Variants in LAMA4 observed in about 807,000 individuals in gnomAD.
LAMA4 encodes the protein laminin subunit alpha 4.
Under a neutral mutation model 207.1 loss-of-function variants are expected in LAMA4, and 127 were observed. The observed-to-expected ratio is 0.61, with a 90% CI of 0.53 to 0.71. The LOEUF is 0.71. LAMA4 is among the 30% of genes least tolerant of loss of function. LAMA4 has a pLI of 0.00. For missense variants in LAMA4, 2,093 were observed against 2,246.5 expected, an observed-to-expected ratio of 0.93 and a Z score of 1.38; for synonymous variants, 761 against 816.0, an observed-to-expected ratio of 0.93 and a Z score of 1.15.
At chr6:112,241,105 A>ATATT (rs1786398757) in intron 2 of LAMA4, among the ~76,000 whole-genome samples, 1 of 107,734 alleles carries the variant, frequency 9.3e-6, no homozygotes, top group African/African-American at 3.2e-5. Context: ...ATGAATATAT[A>ATATT]TATATATATG....
chr6:112,184,069 T>C (rs181156625), intron 9 of LAMA4, among the ~76,000 whole-genome samples: 1 of 152,264 alleles, frequency 6.6e-6, no homozygotes, highest in African/African-American at 2.4e-5. Context: ...TGGTATTTCC[T>C]TTACTATTTA....
chr6:112,222,432 T>G (rs1316185944), intron 2 of LAMA4, among the ~76,000 whole-genome samples: 2 of 152,196 alleles, frequency 1.3e-5, no homozygotes, highest in East Asian at 3.8e-4. Flanking sequence ...ACCTTTGTGC[T>G]TACTGCTCAG....
chr6:112,120,296 C>T lies in LAMA4; in HGVS notation c.4652G>A (p.Gly1551Asp), dbSNP rs782558391. 12 of 1,613,532 alleles carry T rather than the reference C, an allele frequency of 7.4e-6. No homozygotes were observed. Among genetic ancestry groups the T allele is most frequent in the South Asian group, 6.6e-5 (6 of 91,042 alleles). ...CCTTCAACTTACATCATGCCACAGG[C>T]CATCATTGTATTTCTCCTGGCTTCT... ...KIRSQEKYND[G>D]LWHDVIFIRE... The change falls in exon 33 of 39, where the codon GGC becomes GAC. Residue 1551 changes from glycine to aspartate, a missense_variant. Physicochemically the swap from Gly to Asp is moderately conservative, Grantham distance 94. Around this residue, in one of 3 missense-constraint regions of LAMA4, gnomAD observed 383 missense variants for 437.8 expected, o/e 0.87. Transcript: ENST00000230538.
At chr6:112,165,937 A>C (rs184280826) in intron 12 of LAMA4, among the ~76,000 whole-genome samples, 20 of 152,316 alleles carry the variant, frequency 1.3e-4, no homozygotes, top group South Asian at 6.2e-4. Flanking sequence ...GATTCTGAAG[A>C]AATATTATGG....
chr6:112,203,313 A>C (rs968568775), intron 4 of LAMA4, among the ~76,000 whole-genome samples: 24 of 152,144 alleles, frequency 1.6e-4, no homozygotes, highest in African/African-American at 5.6e-4. Context: ...AATCCCCTGA[A>C]GCATTATTTC....
intron 24 of LAMA4, among the ~76,000 whole-genome samples, chr6:112,138,457 T>C (rs1297235196): frequency 3.8e-4 from 58 of 152,312 alleles, no homozygotes; most frequent in Non-Finnish European, 8.8e-5. Context: ...TTTGAAAATA[T>C]TTAGCATACT....
At chr6:112,147,254 A>G (rs879947972) in intron 18 of LAMA4, among the ~76,000 whole-genome samples, 3 of 152,244 alleles carry the variant, frequency 2.0e-5, no homozygotes, top group Non-Finnish European at 4.4e-5. Flanking sequence ...TTTTAAAGAC[A>G]AAATTTTAAA....
chr6:112,242,476 C>T (rs1786588384), intron 2 of LAMA4, among the ~76,000 whole-genome samples: 1 of 152,178 alleles, frequency 6.6e-6, no homozygotes, highest in Admixed American at 6.5e-5. Flanking sequence ...AATTCAAGCC[C>T]ACCTGTATTT....
intron 2 of LAMA4, among the ~76,000 whole-genome samples, chr6:112,250,033 T>C (rs1201076534): frequency 6.6e-6 from 1 of 152,206 alleles, no homozygotes; most frequent in Non-Finnish European, 1.5e-5. Context: ...ACCTTCTTTC[T>C]ATTGCTCCTT....
In LAMA4 at chr6:112,207,028, A is replaced by G. The variant is rs1784096031; in HGVS notation, c.415T>C (p.Leu139=). The change falls in exon 4 of 39, where the codon TTG becomes CTG. Residue 139 remains leucine (L), a synonymous_variant. Coordinates refer to ENST00000230538, the MANE Select transcript of LAMA4 (RefSeq NM_001105206.3). The stretch of plus-strand genomic sequence containing the variant: ...TCCTCCTTTAGGACTTACTTGGCCA[A>G]GTGGGGCAGGGGACAGGGGCACGGC... The part of the protein sequence containing the change: ...CQPCPCPLPH[L]ANFAESCYRK... The G allele has an allele frequency of 1.2e-6, 2 of 1,613,820 alleles. No homozygotes were observed. The highest frequency in any genetic ancestry group is 1.7e-5 in the Admixed American group (1 of 59,978).
At position 112,216,581 on chromosome 6, in the gene LAMA4, A is replaced by G. The variant is rs1415525317; in HGVS notation, c.196-112T>C. ...ATTAAACAATCTAAACATTTCTAAA[A>G]TGAATATACTAAATGATACATACAA... On this transcript the variant is annotated intron_variant, in intron 2 of 38. Coordinates refer to ENST00000230538, the MANE Select transcript of LAMA4 (RefSeq NM_001105206.3). The G allele has an allele frequency of 1.3e-5, 10 of 743,198 alleles. No homozygotes were observed. In the African/African-American group the frequency reaches 1.6e-4, roughly 12 times the overall value. 46.0% of individuals were successfully genotyped at this position (743,198 alleles called of 1,614,324 possible). A position where few individuals can be genotyped will look rare whatever the true frequency, so the allele number is the denominator to read the frequency against.
At chr6:112,165,095 T>G (rs1781305636) in intron 13 of LAMA4, 65 bp downstream of exon 13, 1 of 851,518 alleles carries the variant, frequency 1.2e-6, no homozygotes, top group Non-Finnish European at 2.1e-6. Context: ...TATTATTCTG[T>G]GACACTGAGC....
At chr6:112,110,295 C>T (rs1367118085) in intron 38 of LAMA4, among the ~76,000 whole-genome samples, 2 of 152,088 alleles carry the variant, frequency 1.3e-5, no homozygotes, top group Non-Finnish European at 2.9e-5. Flanking sequence ...TAATTTAAAG[C>T]GATTTAGAGA....
At chr6:112,132,583 C>T (rs1224911799) in intron 28 of LAMA4, among the ~76,000 whole-genome samples, 170 bp downstream of exon 28, 7 of 152,168 alleles carry the variant, frequency 4.6e-5, no homozygotes, top group African/African-American at 1.7e-4. Flanking sequence ...TTCTGATATA[C>T]AATACATAGA....
intron 2 of LAMA4, among the ~76,000 whole-genome samples, chr6:112,230,683 A>T (rs1785508247): frequency 6.6e-6 from 1 of 152,150 alleles, no homozygotes; most frequent in South Asian, 2.1e-4. Flanking sequence ...CACACAGCTT[A>T]GCAATGTTTA....
At chr6:112,249,055 A>G (rs1362831270) in intron 2 of LAMA4, among the ~76,000 whole-genome samples, 1 of 152,210 alleles carries the variant, frequency 6.6e-6, no homozygotes, top group African/African-American at 2.4e-5. Flanking sequence ...GGCTAGACGG[A>G]GAAGGGAAGT....
chr6:112,162,456 G>A (rs996934305), intron 13 of LAMA4, among the ~76,000 whole-genome samples: 1 of 151,822 alleles, frequency 6.6e-6, no homozygotes, highest in Non-Finnish European at 1.5e-5. Context: ...TGGGCAACAA[G>A]GATGAAGCCA....
chr6:112,157,119 A>C (rs1333559217), intron 14 of LAMA4, among the ~76,000 whole-genome samples: 1 of 152,128 alleles, frequency 6.6e-6, no homozygotes, highest in Non-Finnish European at 1.5e-5. Context: ...AATACTCACT[A>C]CCTGTTCCTC....
intron 2 of LAMA4, chr6:112,217,750 G>T (rs1784711497): frequency 6.6e-6 from 1 of 152,276 alleles, no homozygotes; most frequent in East Asian, 1.9e-4. Flanking sequence ...CCAAGTTAGA[G>T]AAATAAGGCT....
Sources: gnomAD v4.1 joint callset for allele counts (sites outside exome capture counted in the v4.1 genomes callset) on GRCh38, gnomAD v4.1.1 for gene constraint, gnomAD v4.1.1 regional missense constraint, MANE v1.5 for transcripts, NCBI Gene and HGNC (gene_info 2026-07-23, HGNC 2026-07-21) for gene names.